BMAL2: variants seen among roughly 807,000 people sequenced by gnomAD.
The protein encoded by BMAL2 is basic helix-loop-helix ARNT like 2, also known as basic helix-loop-helix ARNT-like protein 2.
the BMAL2 span, among the ~76,000 whole-genome samples, chr12:27,352,175 A>C: frequency 1.3e-5 from 2 of 152,244 alleles, no homozygotes; most frequent in South Asian, 4.1e-4. Flanking sequence ...CAAATTGCTA[A>C]ATCAAAGAAC....
the BMAL2 span, among the ~76,000 whole-genome samples, chr12:27,392,879 G>A: frequency 2.0e-5 from 3 of 152,126 alleles, no homozygotes; most frequent in Admixed American, 2.0e-4. Context: ...GTTGGTGTCT[G>A]GCTGGTGCCC....
chr12:27,384,641 A>G, the BMAL2 span, among the ~76,000 whole-genome samples: 1 of 152,220 alleles, frequency 6.6e-6, no homozygotes, highest in Non-Finnish European at 1.5e-5. Context: ...CCCTAGGCAT[A>G]GTACTTTTTT....
At chr12:27,379,076 T>C in the BMAL2 span, among the ~76,000 whole-genome samples, 2 of 152,138 alleles carry the variant, frequency 1.3e-5, no homozygotes, top group Admixed American at 6.5e-5. Flanking sequence ...GTTTATGAAT[T>C]TGTGTTGGGC....
chr12:27,380,503 T>A, the BMAL2 span: 1 of 1,276,150 alleles, frequency 7.8e-7, no homozygotes, highest in Admixed American at 1.9e-5. Flanking sequence ...TGAGGTTCTA[T>A]CCAGATGTGT....
the BMAL2 span, among the ~76,000 whole-genome samples, chr12:27,407,245 A>C: frequency 8.9e-4 from 135 of 152,364 alleles, no homozygotes; most frequent in African/African-American, 3.2e-3. Flanking sequence ...AAGCAGACCT[A>C]ATAGACATCT....
chr12:27,332,904 TC>T, the BMAL2 span: 1 of 258,282 alleles, frequency 3.9e-6, no homozygotes, highest in Non-Finnish European at 6.4e-6. Flanking sequence ...CGGGGCGGCG[TC>T]CCGTGCGCGC....
At chr12:27,332,979 T>G in the BMAL2 span, 1 of 1,047,874 alleles carries the variant, frequency 9.5e-7, no homozygotes, top group Non-Finnish European at 1.2e-6. Flanking sequence ...GCTTCCCTGC[T>G]CCAGAGCCGC....
the BMAL2 span, among the ~76,000 whole-genome samples, chr12:27,407,036 G>A: frequency 6.6e-6 from 1 of 152,150 alleles, no homozygotes; most frequent in Non-Finnish European, 1.5e-5. Context: ...TCAACAAGAA[G>A]AGCTAACTAC....
At chr12:27,365,346 T>G in the BMAL2 span, among the ~76,000 whole-genome samples, 1 of 152,114 alleles carries the variant, frequency 6.6e-6, no homozygotes, top group African/African-American at 2.4e-5. Context: ...GATGGATGAT[T>G]ATTTTTATTC....
the BMAL2 span, among the ~76,000 whole-genome samples, chr12:27,339,407 G>T: frequency 6.6e-6 from 1 of 152,114 alleles, no homozygotes; most frequent in African/African-American, 2.4e-5. Context: ...TGTGAATAGT[G>T]CTGCAATGAA....
the BMAL2 span, among the ~76,000 whole-genome samples, chr12:27,364,367 A>G: frequency 6.6e-6 from 1 of 152,186 alleles, no homozygotes; most frequent in South Asian, 2.1e-4. Context: ...GGTGTAACAC[A>G]GGGAGTCCCG....
At chr12:27,418,260 G>A in the BMAL2 span, 1 of 1,080,936 alleles carries the variant, frequency 9.3e-7, no homozygotes, top group Non-Finnish European at 1.4e-6. Context: ...TAATCACTAT[G>A]TTTTCAGGCA....
At chr12:27,359,461 C>G in the BMAL2 span, among the ~76,000 whole-genome samples, 57 of 152,268 alleles carry the variant, frequency 3.7e-4, no homozygotes, top group African/African-American at 1.2e-3. Flanking sequence ...GGCTGAGGAT[C>G]GCTTGAGCCC....
At chr12:27,350,646 G>T in the BMAL2 span, among the ~76,000 whole-genome samples, 1 of 152,188 alleles carries the variant, frequency 6.6e-6, no homozygotes, top group African/African-American at 2.4e-5. Flanking sequence ...AATGCCCAAG[G>T]TTGTGAATAA....
the BMAL2 span, among the ~76,000 whole-genome samples, chr12:27,411,494 G>T: frequency 6.6e-6 from 1 of 151,824 alleles, no homozygotes; most frequent in African/African-American, 2.4e-5. Context: ...GGGGCACAGC[G>T]GTAGTCCCAG....
chr12:27,348,493 CAACAT>C, the BMAL2 span, among the ~76,000 whole-genome samples: 2 of 151,930 alleles, frequency 1.3e-5, no homozygotes, highest in Admixed American at 6.6e-5. Context: ...TCTTAATTGA[CAACAT>C]AACAAAGCAG....
At chr12:27,399,953 C>T in the BMAL2 span, among the ~76,000 whole-genome samples, 1 of 152,022 alleles carries the variant, frequency 6.6e-6, no homozygotes, top group African/African-American at 2.4e-5. Context: ...TGGGATTTTC[C>T]TAAAAAGTGA....
At chr12:27,379,350 G>C in the BMAL2 span, among the ~76,000 whole-genome samples, 36 of 152,302 alleles carry the variant, frequency 2.4e-4, no homozygotes, top group African/African-American at 8.7e-4. Flanking sequence ...ATGAGATAGG[G>C]TTATAATAAC....
the BMAL2 span, among the ~76,000 whole-genome samples, chr12:27,353,158 C>G: frequency 2.0e-5 from 3 of 152,100 alleles, no homozygotes; most frequent in African/African-American, 7.2e-5. Flanking sequence ...GCCAGAAAAT[C>G]ACACTACCCG....
Sources: allele counts gnomAD v4.1 joint callset (sites outside exome capture counted in the v4.1 genomes callset), GRCh38; gene constraint gnomAD v4.1.1; transcripts MANE v1.5; gene names NCBI Gene and HGNC (gene_info 2026-07-23, HGNC 2026-07-21).